Variants in INPP5A observed in about 807,000 individuals in gnomAD.
INPP5A encodes inositol polyphosphate-5-phosphatase A.
A neutral mutation model predicts 65.2 loss-of-function variants in INPP5A; 14 were observed. The observed-to-expected ratio is 0.21, with a 90% confidence interval of 0.14 to 0.34. The LOEUF (loss-of-function observed/expected upper bound fraction) is 0.34. Ranked by LOEUF, INPP5A falls within the 10% of genes least tolerant of loss-of-function variation. INPP5A has a pLI of 1.00. For missense variants in INPP5A, 431 were observed against 545.6 expected (o/e 0.79, Z 2.09); for synonymous variants, 207 against 208.3 (o/e 0.99, Z 0.05).
chr10:132,672,784 A>G (rs2072909051), intron 4 of INPP5A, among the ~76,000 whole-genome samples: 1 of 152,144 alleles, frequency 6.6e-6, no homozygotes, highest in African/African-American at 2.4e-5. Flanking sequence ...TTCCAGTTAC[A>G]TGTGCGTTGG....
At chr10:132,540,315 T>G (rs2070891835) in intron 1 of INPP5A, among the ~76,000 whole-genome samples, 1 of 152,266 alleles carries the variant, frequency 6.6e-6, no homozygotes, top group African/African-American at 2.4e-5. Context: ...TTAATTCACT[T>G]TTGTTTAGCA....
rs1202742484 is a variant in INPP5A at position 132,763,844 on chromosome 10, CAT to C, written c.904-1928_904-1927del. ...AAACACATCTGCATGCAAACACACA[CAT>C]GCCTGTGCATGCATAAACGTGCCTG... On this transcript the variant is annotated intron_variant, in intron 11 of 15. Coordinates refer to ENST00000368594, the MANE Select transcript of INPP5A (RefSeq NM_005539.5). 5.9e-5 allele frequency among the ~76,000 whole-genome samples: 9 copies of C among 152,320 alleles called. No homozygotes were observed. The East Asian group carries it at 7.7e-4, about 13-fold the overall frequency.
intron 8 of INPP5A, among the ~76,000 whole-genome samples, chr10:132,715,521 G>A (rs1845724655): frequency 6.6e-6 from 1 of 152,226 alleles, no homozygotes; most frequent in African/African-American, 2.4e-5. Flanking sequence ...CCCAGGGAGA[G>A]GTGACGTGAT....
intron 1 of INPP5A, among the ~76,000 whole-genome samples, chr10:132,604,574 G>A (rs1216729763): frequency 6.6e-6 from 1 of 152,198 alleles, no homozygotes; most frequent in East Asian, 1.9e-4. Flanking sequence ...CTCAATAGTA[G>A]TTGAAAAGGT....
chr10:132,556,444 C>G (rs553747440), intron 1 of INPP5A, among the ~76,000 whole-genome samples: 1 of 152,186 alleles, frequency 6.6e-6, no homozygotes. Flanking sequence ...TCCAGTGTGC[C>G]AAGTTTCTGT....
chr10:132,565,613 G>A (rs1451373670), intron 1 of INPP5A, among the ~76,000 whole-genome samples: 5 of 152,162 alleles, frequency 3.3e-5, no homozygotes, highest in African/African-American at 4.8e-5. Context: ...CACTGTGTGT[G>A]CATGTGTGTA....
chr10:132,571,550 A>C (rs76320411), intron 1 of INPP5A, among the ~76,000 whole-genome samples: 3,581 of 152,328 alleles, frequency 0.024, 49 homozygotes, highest in South Asian at 0.039. Flanking sequence ...AGCTTAGCTA[A>C]ATTTAAAAAA....
chr10:132,764,927 G>A (rs1301714907), intron 11 of INPP5A, among the ~76,000 whole-genome samples: 11 of 147,318 alleles, frequency 7.5e-5, no homozygotes, highest in Admixed American at 2.0e-4. Context: ...TGCAGGGGTG[G>A]GAGGGTGTGC....
intron 11 of INPP5A, among the ~76,000 whole-genome samples, chr10:132,755,028 CGTGT>C (rs200133687): frequency 8.1e-5 from 12 of 148,334 alleles, no homozygotes; most frequent in African/African-American, 2.7e-4. Context: ...TGTGAGTATG[CGTGT>C]GTGTGATCGT....
At position 132,603,139 on chromosome 10, in the gene INPP5A, G is replaced by A. The variant is rs529424466; in HGVS notation, c.76-4776G>A. On this transcript the variant is annotated intron_variant, in intron 1 of 15. Transcript: ENST00000368594. The surrounding 1 kb of genome is among the most constrained non-coding windows in gnomAD (Gnocchi z 4.2). ...AAATGCCTCAATCTCTCCTGCTGACGTCTCTGCCTTCCGAAGCTACAAAGG... is the reference window on the plus strand; with the variant it reads ...AAATGCCTCAATCTCTCCTGCTGACATCTCTGCCTTCCGAAGCTACAAAGG... 1.3e-5 allele frequency among the ~76,000 whole-genome samples: 2 copies of A among 152,228 alleles called. No individual in the cohort carries two copies. The highest frequency in any genetic ancestry group is 2.1e-4 in the South Asian group (1 of 4,822).
intron 4 of INPP5A, among the ~76,000 whole-genome samples, chr10:132,654,991 G>A (rs917182221): frequency 6.6e-5 from 10 of 152,234 alleles, no homozygotes; most frequent in East Asian, 1.9e-4. Flanking sequence ...GGCTGGGCGC[G>A]GTGGCTCACG....
chr10:132,762,674 C>T lies in INPP5A; in HGVS notation c.904-3099C>T, dbSNP rs150889668. The stretch of plus-strand genomic sequence containing the variant: ...AAGCTTAAAAACATGTAGGCTGAGG[C>T]GAGCTGCTTTTTGTGGACTCATGCA... On this transcript the variant is annotated intron_variant, in intron 11 of 15. Transcript: ENST00000368594. This position sits in a 1 kb window ranked among gnomAD's most constrained non-coding sequence, Gnocchi z 4.6. 1.7e-3 allele frequency among the ~76,000 whole-genome samples: 258 copies of T among 151,674 alleles called. No homozygotes were observed. Among genetic ancestry groups the T allele is most frequent in the Admixed American group, 6.5e-3 (99 of 15,278 alleles).
intron 3 of INPP5A, among the ~76,000 whole-genome samples, chr10:132,649,722 T>C (rs59077235): frequency 0.031 from 4,786 of 152,288 alleles, 118 homozygotes; most frequent in African/African-American, 0.06. Context: ...GGACTGTCTC[T>C]GTGGAGGGGC....
chr10:132,598,109 A>G (rs2071731169), intron 1 of INPP5A, among the ~76,000 whole-genome samples: 1 of 152,254 alleles, frequency 6.6e-6, no homozygotes, highest in Non-Finnish European at 1.5e-5. Flanking sequence ...TGCTAGGGTC[A>G]GAACTTTCTC....
chr10:132,777,906 G>A (rs1239436771), intron 13 of INPP5A, 124 bp downstream of exon 13: 2 of 1,519,026 alleles, frequency 1.3e-6, no homozygotes, highest in South Asian at 2.5e-5. Context: ...CTGCCAGGTT[G>A]GGCCCTGACC....
Position 132,727,058 on chromosome 10 carries a change from TTTTG to T in INPP5A, c.732+154_732+157del. 1 of 505,322 alleles carries T rather than the reference TTTTG, an allele frequency of 2.0e-6. No individual in the cohort carries two copies. 31.3% of individuals were successfully genotyped at this position (505,322 alleles called of 1,614,324 possible). On this transcript the variant is annotated intron_variant, in intron 9 of 15. Transcript: ENST00000368594. This position sits in a 1 kb window ranked among gnomAD's most constrained non-coding sequence, Gnocchi z 6.5. ...CAAAACCTTTCAATGAAGAAGCATG[TTTTG>T]CTGTCGGCAGAGGGATCCGTGTTGG...
chr10:132,544,536 G>A (rs748848329), intron 1 of INPP5A, among the ~76,000 whole-genome samples: 1 of 152,094 alleles, frequency 6.6e-6, no homozygotes, highest in Non-Finnish European at 1.5e-5. Flanking sequence ...CGGCAGGATC[G>A]TCTGTCTGCC....
chr10:132,747,789 A>G (rs1846398103), intron 9 of INPP5A, among the ~76,000 whole-genome samples: 1 of 152,220 alleles, frequency 6.6e-6, no homozygotes, highest in Non-Finnish European at 1.5e-5. Flanking sequence ...CTGCTCACAC[A>G]TGTAATCCTA....
chr10:132,735,254 G>T (rs1249602924), intron 9 of INPP5A, among the ~76,000 whole-genome samples: 1 of 152,202 alleles, frequency 6.6e-6, no homozygotes, highest in African/African-American at 2.4e-5. Context: ...CCTCCACCCT[G>T]GGTTTGTGGG....
Sources: gnomAD v4.1 joint callset for allele counts (sites outside exome capture counted in the v4.1 genomes callset) on GRCh38, gnomAD v4.1.1 for gene constraint, Gnocchi (gnomAD v3.1) non-coding constraint, MANE v1.5 for transcripts, NCBI Gene and HGNC (gene_info 2026-07-23, HGNC 2026-07-21) for gene names.